TEAD2: variants seen among roughly 807,000 people sequenced by gnomAD.
TEAD2 encodes TEA domain transcription factor 2.
Under a neutral mutation model 61.4 loss-of-function variants are expected in TEAD2, and 51 were observed. The ratio of observed to expected loss-of-function variants is 0.83; its 90% CI spans 0.66 to 1.05. The LOEUF (loss-of-function observed/expected upper bound fraction) is 1.05, where lower values mean the gene tolerates loss of function less well. Among genes scored for constraint, TEAD2 ranks in the 50% least tolerant of loss-of-function variants. The probability of loss-of-function intolerance (pLI) is 0.00; values close to 1 mark genes in which losing one functional copy is unlikely to be tolerated. For missense variants in TEAD2, 509 were observed against 600.0 expected, an observed-to-expected ratio of 0.85 and a Z score of 1.58; for synonymous variants, 244 against 243.2, an observed-to-expected ratio of 1.00 and a Z score of -0.03.
intron 5 of TEAD2, 142 bp downstream of exon 5, chr19:49,355,817 C>A: frequency 1.4e-6 from 1 of 726,490 alleles, no homozygotes. Flanking sequence ...CAGAGCAAGA[C>A]CCTGTCTCCA....
intron 7 of TEAD2, among the ~76,000 whole-genome samples, chr19:49,354,934 G>C (rs902930167): frequency 6.6e-6 from 1 of 152,162 alleles, no homozygotes; most frequent in African/African-American, 2.4e-5. Flanking sequence ...GGAAGCGGAG[G>C]TTGCAGTGAG....
At chr19:49,357,610 C>CA (rs1972494283) in intron 3 of TEAD2, 1 of 516,496 alleles carries the variant, frequency 1.9e-6, no homozygotes, top group Non-Finnish European at 3.5e-6. Context: ...CAAACAGGCA[C>CA]AGTGAGAGCA....
At chr19:49,355,039 A>G (rs1318392739) in intron 7 of TEAD2, 109 bp downstream of exon 7, 7 of 721,084 alleles carry the variant, frequency 9.7e-6, no homozygotes, top group Non-Finnish European at 1.7e-5. Context: ...ACATACATAC[A>G]TACATACATA....
rs767038674 is a variant in TEAD2 at position 49,341,369 on chromosome 19, G to A, written c.1311C>T (p.Ser437=). ...AAATGTGATGCTGGGCCCCACGCTC[G>A]CTGGTGGAGACCTCGAAGACATAGG... ...CTAYVFEVST[S]ERGAQHHIYR... is the part of the protein sequence containing the mutation. Residue 437 remains serine, a synonymous_variant, in exon 13 of 13, where the codon AGC becomes AGT. Coordinates refer to ENST00000593945, the MANE Select transcript of TEAD2 (RefSeq NM_001256660.2). This position sits in a 1 kb window ranked among gnomAD's most constrained non-coding sequence, Gnocchi z 4.2. 8.7e-6 allele frequency: 14 copies of A among 1,613,922 alleles called. No homozygotes were observed. The highest frequency in any genetic ancestry group is 3.3e-4 in the Middle Eastern group (2 of 6,082).
chr19:49,349,578 G>C (rs1971879392), intron 8 of TEAD2, among the ~76,000 whole-genome samples: 1 of 152,034 alleles, frequency 6.6e-6, no homozygotes, highest in Non-Finnish European at 1.5e-5. Flanking sequence ...ATAGTAACAA[G>C]TGAATTCTCA....
chr19:49,357,852 C>T (rs1370070881), intron 3 of TEAD2: 2 of 159,886 alleles, frequency 1.3e-5, no homozygotes, highest in African/African-American at 4.8e-5. Flanking sequence ...AATCCCAACA[C>T]TTTGGGAGGC....
intron 7 of TEAD2, among the ~76,000 whole-genome samples, chr19:49,351,710 G>C (rs1445357896): frequency 6.6e-6 from 1 of 152,110 alleles, no homozygotes; most frequent in East Asian, 1.9e-4. Flanking sequence ...AACCAGCCTG[G>C]CGTGGTGGCT....
In TEAD2 at chr19:49,341,254, T is replaced by C; in HGVS notation, c.*70A>G. 2 of 1,269,346 alleles carry C rather than the reference T, an allele frequency of 1.6e-6. No individual in the cohort carries two copies. Among genetic ancestry groups the C allele is most frequent in the Non-Finnish European group, 2.3e-6 (2 of 870,672 alleles). 78.6% of individuals were successfully genotyped at this position (1,269,346 alleles called of 1,614,324 possible). On this transcript the variant is annotated 3_prime_UTR_variant, in exon 13 of 13. Transcript: ENST00000593945. The surrounding 1 kb of genome is among the most constrained non-coding windows in gnomAD (Gnocchi z 4.2). ...CAGCCCTCTCCCCAAATAAGAAGCATGAGGTGAGCTGGAGGACCCTCCCTG... is the reference window on the plus strand; with the variant it reads ...CAGCCCTCTCCCCAAATAAGAAGCACGAGGTGAGCTGGAGGACCCTCCCTG...
In TEAD2 at chr19:49,343,276, G is replaced by C; in HGVS notation, c.1044C>G (p.Ser348=). 1.2e-6 allele frequency: 2 copies of C among 1,613,880 alleles called. No homozygotes were observed. Among genetic ancestry groups the C allele is most frequent in the Non-Finnish European group, 1.7e-6 (2 of 1,179,910 alleles). Residue 348 remains serine (S), a synonymous_variant, in exon 11 of 13, where the codon TCC becomes TCG. Transcript: ENST00000593945. ...ESLEHMTLTC[S]SKVCSFGKQV... Reference sequence around the variant, plus strand: ...GCTTGCCAAAAGAGCAGACCTTGGAGGAACAGGTGAGGGTCATGTGTTCCA... The same window carrying C: ...GCTTGCCAAAAGAGCAGACCTTGGACGAACAGGTGAGGGTCATGTGTTCCA...
chr19:49,351,824 A>G (rs1369494664), intron 7 of TEAD2, among the ~76,000 whole-genome samples: 1 of 151,970 alleles, frequency 6.6e-6, no homozygotes, highest in African/African-American at 2.4e-5. Flanking sequence ...CATCTCTACT[A>G]AAAATACAAA....
Position 49,355,949 on chromosome 19 carries a change from A to C in TEAD2, c.372+10T>G. 1.6e-6 allele frequency: 2 copies of C among 1,261,842 alleles called. No homozygotes were observed. The highest frequency in any genetic ancestry group is 2.0e-6 in the Non-Finnish European group (2 of 1,003,468). The allele number at this position is 1,261,842 out of a possible 1,614,324, so 78.2% of individuals were successfully genotyped here. On this transcript the variant is annotated intron_variant, in intron 5 of 12. Transcript: ENST00000593945. The stretch of plus-strand genomic sequence containing the variant: ...TGAGCGTGGGTGGGAGGATGGGCAG[A>C]GGAACTTACCACGTTCAGAGCCTGC...
chr19:49,359,165 G>A lies in TEAD2; in HGVS notation c.297+270C>T, dbSNP rs1972624689. ...AGACAGGAGAATTGCTTGAACCCGG[G>A]AGGCAGAGGTTGCAGTGAGCCAAGA... On this transcript the variant is annotated intron_variant, in intron 3 of 12. Transcript: ENST00000593945. This position sits in a 1 kb window ranked among gnomAD's most constrained non-coding sequence, Gnocchi z 4.1. 2.6e-6 allele frequency: 1 copy of A among 390,272 alleles called. No homozygotes were observed. Among genetic ancestry groups the A allele is most frequent in the African/African-American group, 2.0e-5 (1 of 48,838 alleles). 24.2% of individuals were successfully genotyped at this position (390,272 alleles called of 1,614,324 possible). A position where few individuals can be genotyped will look rare whatever the true frequency, so the allele number is the denominator to read the frequency against.
intron 7 of TEAD2, 38 bp from the exon 8 acceptor site, chr19:49,351,403 A>G (rs1469960998): frequency 6.3e-7 from 1 of 1,577,124 alleles, no homozygotes; most frequent in Non-Finnish European, 8.6e-7. Flanking sequence ...GCCAGGTAGA[A>G]AGATGCTAAT....
rs926509195 is a variant in TEAD2 at position 49,341,958 on chromosome 19, C to G, written c.1242+480G>C. Among the ~76,000 whole-genome samples the G allele has an allele frequency of 2.0e-5, 3 of 152,002 alleles. No homozygotes were observed. Among genetic ancestry groups the G allele is most frequent in the African/African-American group, 7.2e-5 (3 of 41,390 alleles). The stretch of plus-strand genomic sequence containing the variant: ...CTGTAATCCCAGCACTTTGGGAGGC[C>G]TAGGCAGGTGGATCACTTGAGGTCG... On this transcript the variant is annotated intron_variant, in intron 12 of 12. Transcript: ENST00000593945. The surrounding 1 kb of genome is among the most constrained non-coding windows in gnomAD (Gnocchi z 4.2).
intron 3 of TEAD2, chr19:49,357,517 A>T (rs997251403): frequency 1.6e-6 from 1 of 610,490 alleles, no homozygotes; most frequent in African/African-American, 1.8e-5. Flanking sequence ...CCCGGGACCC[A>T]TCCCATCCAG....
At chr19:49,356,284 C>A in intron 4 of TEAD2, 1 of 236,378 alleles carries the variant, frequency 4.2e-6, no homozygotes, top group Non-Finnish European at 8.0e-6. Context: ...TTTCCTAATC[C>A]AGACAGAACA....
intron 9 of TEAD2, 112 bp from the exon 10 acceptor site, chr19:49,347,475 C>G: frequency 8.0e-7 from 1 of 1,256,508 alleles, no homozygotes; most frequent in South Asian, 1.4e-5. Context: ...CCAGCTGTTC[C>G]ACACAGTCCA....
Position 49,359,438 on chromosome 19 carries a change from T to C in TEAD2, c.294A>G (p.Lys98=), listed in dbSNP as rs182210677. ...GCCCACAAGTCCATTCCGAGACCTG[T>C]TTTCGAGTTCGGGTCTTCCCCGTTC... is the stretch of plus-strand genomic sequence containing the variant. ...KLRTGKTRTR[K]QVSSHIQVLA... Residue 98 remains lysine (K), a synonymous_variant, in exon 3 of 13, where the codon AAA becomes AAG. Coordinates refer to ENST00000593945, the MANE Select transcript of TEAD2 (RefSeq NM_001256660.2). This position sits in a 1 kb window ranked among gnomAD's most constrained non-coding sequence, Gnocchi z 4.1. 3.4e-5 allele frequency: 55 copies of C among 1,613,996 alleles called. No homozygotes were observed. The highest frequency in any genetic ancestry group is 4.2e-5 in the Non-Finnish European group (50 of 1,179,970).
At chr19:49,350,421 G>A (rs1971939091) in intron 8 of TEAD2, among the ~76,000 whole-genome samples, 1 of 152,110 alleles carries the variant, frequency 6.6e-6, no homozygotes, top group Admixed American at 6.5e-5. Context: ...CCAGGTTCAA[G>A]TGATTCTCCT....
Sources: allele counts gnomAD v4.1 joint callset (sites outside exome capture counted in the v4.1 genomes callset), GRCh38; gene constraint gnomAD v4.1.1; non-coding constraint Gnocchi (gnomAD v3.1); transcripts MANE v1.5; gene names NCBI Gene and HGNC (gene_info 2026-07-23, HGNC 2026-07-21).